INTS15: variants seen among roughly 807,000 people sequenced by gnomAD.
The protein encoded by INTS15 is uncharacterized protein C7orf26.
chr7:6,607,209 TG>T, the INTS15 span, among the ~76,000 whole-genome samples: 1 of 151,984 alleles, frequency 6.6e-6, no homozygotes, highest in Non-Finnish European at 1.5e-5. The surrounding 1 kb of genome is among the most constrained non-coding windows in gnomAD (Gnocchi z 6.0). Context: ...GACCCAGCGT[TG>T]GAAAGCCACG....
At chr7:6,607,641 T>A in the INTS15 span, 1 of 1,476,834 alleles carries the variant, frequency 6.8e-7, no homozygotes, top group Non-Finnish European at 9.1e-7. The surrounding 1 kb of genome is among the most constrained non-coding windows in gnomAD (Gnocchi z 6.0). Flanking sequence ...TGTGGCCAGC[T>A]GTTCTGTGTG....
chr7:6,599,792 C>G, the INTS15 span: 5 of 1,593,580 alleles, frequency 3.1e-6, no homozygotes, highest in Non-Finnish European at 4.3e-6. Context: ...GTCCTCGAGG[C>G]CAAGAGTGCT....
chr7:6,594,577 C>A, the INTS15 span: 2 of 1,613,990 alleles, frequency 1.2e-6, no homozygotes, highest in Non-Finnish European at 1.7e-6. Context: ...ACCTCCGTTA[C>A]CGCGCTCTAT....
At chr7:6,590,337 G>A in the INTS15 span, 18 of 1,598,454 alleles carry the variant, frequency 1.1e-5, no homozygotes, top group Non-Finnish European at 1.5e-5. Context: ...GCGCCGCCAA[G>A]GAGGTGTTGT....
the INTS15 span, chr7:6,594,654 T>C: frequency 6.4e-7 from 1 of 1,562,350 alleles, no homozygotes. Flanking sequence ...ATGGCTAGTT[T>C]TATTTTCCAC....
At chr7:6,598,537 AGGTGGGCAGGGC>A in the INTS15 span, among the ~76,000 whole-genome samples, 6 of 150,738 alleles carry the variant, frequency 4.0e-5, no homozygotes, top group Admixed American at 4.0e-4. Flanking sequence ...TCACTGCAGT[AGGTGGGCAGGGC>A]GGTTCATACT....
chr7:6,596,204 C>T, the INTS15 span, among the ~76,000 whole-genome samples: 23 of 151,732 alleles, frequency 1.5e-4, no homozygotes, highest in Non-Finnish European at 3.1e-4. Flanking sequence ...TACAGGCGCG[C>T]ACCACCATGT....
At chr7:6,595,364 G>T in the INTS15 span, among the ~76,000 whole-genome samples, 1 of 152,098 alleles carries the variant, frequency 6.6e-6, no homozygotes, top group Non-Finnish European at 1.5e-5. Context: ...GAGTTTCACT[G>T]TGTTGCCCAG....
chr7:6,608,642 C>T, the INTS15 span: 1 of 490,842 alleles, frequency 2.0e-6, no homozygotes, highest in Non-Finnish European at 2.7e-6. Context: ...AGGAATTCCC[C>T]TCACCTCGGA....
chr7:6,600,693 T>C, the INTS15 span, among the ~76,000 whole-genome samples: 2 of 152,216 alleles, frequency 1.3e-5, no homozygotes, highest in African/African-American at 2.4e-5. Context: ...AGTCTCACGC[T>C]GTTGTCCAGA....
the INTS15 span, chr7:6,591,838 G>T: frequency 6.2e-7 from 1 of 1,613,926 alleles, no homozygotes; most frequent in East Asian, 2.2e-5. Flanking sequence ...TCGAATCCCG[G>T]TGTTGGAGTG....
chr7:6,591,728 A>G, the INTS15 span: 7 of 1,614,056 alleles, frequency 4.3e-6, no homozygotes, highest in Admixed American at 1.0e-4. Context: ...TCTGTTCGGC[A>G]GATTATTTTT....
the INTS15 span, chr7:6,602,016 C>A: frequency 1.6e-6 from 2 of 1,247,596 alleles, no homozygotes; most frequent in Non-Finnish European, 2.3e-6. Context: ...TGCTGTCTTG[C>A]TAGCATCCTT....
the INTS15 span, among the ~76,000 whole-genome samples, chr7:6,602,491 T>C: frequency 2.0e-5 from 3 of 152,186 alleles, no homozygotes; most frequent in African/African-American, 7.2e-5. Context: ...CCTACAGCAC[T>C]GTACGTTTGT....
At chr7:6,601,991 A>G in the INTS15 span, 2 of 930,862 alleles carry the variant, frequency 2.1e-6, no homozygotes, top group East Asian at 2.5e-5. Flanking sequence ...AGGGAAATGT[A>G]GTATGAGGCG....
chr7:6,602,360 G>T, the INTS15 span: 1 of 532,476 alleles, frequency 1.9e-6, no homozygotes, highest in East Asian at 3.2e-5. Flanking sequence ...GCCAGTCCCT[G>T]TATCACCGAA....
At chr7:6,607,792 CT>C in the INTS15 span, 1 of 1,485,106 alleles carries the variant, frequency 6.7e-7, no homozygotes, top group Non-Finnish European at 8.9e-7. The surrounding 1 kb of genome is among the most constrained non-coding windows in gnomAD (Gnocchi z 6.0). Context: ...CTGTGGGGTC[CT>C]GGCTCTGCCA....
chr7:6,590,273 G>A, the INTS15 span: 11 of 1,513,184 alleles, frequency 7.3e-6, no homozygotes, highest in Non-Finnish European at 9.7e-6. Context: ...GGGGGCCGCG[G>A]CGGCCGCACC....
the INTS15 span, among the ~76,000 whole-genome samples, chr7:6,598,355 G>A: frequency 6.6e-6 from 1 of 151,712 alleles, no homozygotes; most frequent in East Asian, 1.9e-4. Context: ...TATAGTCCCA[G>A]CTACTCGGGA....
Sources: gnomAD v4.1 joint callset for allele counts (sites outside exome capture counted in the v4.1 genomes callset) on GRCh38, gnomAD v4.1.1 for gene constraint, Gnocchi (gnomAD v3.1) non-coding constraint, MANE v1.5 for transcripts, NCBI Gene and HGNC (gene_info 2026-07-23, HGNC 2026-07-21) for gene names.